Variants in FHIT observed in about 807,000 individuals in gnomAD.
FHIT encodes the protein fragile histidine triad diadenosine triphosphatase.
In FHIT, 19 loss-of-function variants were observed where a neutral mutation model predicts 17.9. The ratio of observed to expected loss-of-function variants is 1.06; its 90% CI spans 0.74 to 1.56. FHIT has a LOEUF of 1.56. Among genes scored for constraint, FHIT ranks in the 40% most tolerant of loss-of-function variants. The pLI is 0.00. For synonymous variants in FHIT, 81 were observed against 69.7 expected, an observed-to-expected ratio of 1.16 and a Z score of -0.81; for missense variants, 248 against 189.2, an observed-to-expected ratio of 1.31 and a Z score of -1.82.
At chr3:60,144,582 ATTTT>A (rs569336967) in intron 5 of FHIT, among the ~76,000 whole-genome samples, 1 of 151,982 alleles carries the variant, frequency 6.6e-6, no homozygotes, top group East Asian at 1.9e-4. Flanking sequence ...TTAACTGAAG[ATTTT>A]TTTTAATGTT....
At chr3:60,411,403 G>A (rs912280540) in intron 5 of FHIT, among the ~76,000 whole-genome samples, 2 of 152,074 alleles carry the variant, frequency 1.3e-5, no homozygotes, top group African/African-American at 4.8e-5. Context: ...CACTTAATGT[G>A]TCTAGAAGGG....
intron 8 of FHIT, among the ~76,000 whole-genome samples, chr3:59,856,385 G>A (rs1259097126): frequency 6.6e-6 from 1 of 152,064 alleles, no homozygotes; most frequent in Admixed American, 6.6e-5. Flanking sequence ...CAATGTTCAA[G>A]GAAGACATCA....
chr3:60,992,885 C>T (rs1454245146), intron 3 of FHIT, among the ~76,000 whole-genome samples: 3 of 152,164 alleles, frequency 2.0e-5, no homozygotes, highest in African/African-American at 7.2e-5. Context: ...AAAGTACTTT[C>T]TGGCATTTCA....
At chr3:60,198,114 C>A (rs1224195059) in intron 5 of FHIT, among the ~76,000 whole-genome samples, 1 of 136,268 alleles carries the variant, frequency 7.3e-6, no homozygotes, top group African/African-American at 2.7e-5. Context: ...ACTTTTTTTT[C>A]TTTTCAAATA....
intron 8 of FHIT, among the ~76,000 whole-genome samples, chr3:59,772,714 C>T (rs947170555): frequency 6.6e-6 from 1 of 152,196 alleles, no homozygotes; most frequent in African/African-American, 2.4e-5. Context: ...CTTCTATGAA[C>T]ATTAGTGGAG....
At chr3:60,031,729 G>A (rs1701009959) in intron 5 of FHIT, among the ~76,000 whole-genome samples, 1 of 152,112 alleles carries the variant, frequency 6.6e-6, no homozygotes, top group East Asian at 1.9e-4. Flanking sequence ...CAGGTAATTT[G>A]GGGCTTAGGT....
At chr3:61,203,115 G>A (rs1383463712) in intron 1 of FHIT, among the ~76,000 whole-genome samples, 6 of 150,072 alleles carry the variant, frequency 4.0e-5, no homozygotes, top group Admixed American at 2.7e-4. Flanking sequence ...GGGAGGCGGG[G>A]CTTGCAGTGA....
At chr3:59,792,922 T>C (rs917445162) in intron 8 of FHIT, among the ~76,000 whole-genome samples, 5 of 151,328 alleles carry the variant, frequency 3.3e-5, no homozygotes, top group Non-Finnish European at 5.9e-5. Flanking sequence ...GTATGGGTGA[T>C]GTGCTCCTCT....
chr3:60,588,626 A>G (rs998825970), intron 4 of FHIT, among the ~76,000 whole-genome samples: 2 of 151,600 alleles, frequency 1.3e-5, no homozygotes, highest in African/African-American at 4.8e-5. Flanking sequence ...ATTTGCACAC[A>G]CTCCTCTCGT....
chr3:60,542,885 T>C (rs2036230339), intron 4 of FHIT, among the ~76,000 whole-genome samples: 1 of 152,206 alleles, frequency 6.6e-6, no homozygotes, highest in Non-Finnish European at 1.5e-5. Flanking sequence ...TATATTTTCA[T>C]CCTTAACATT....
chr3:60,390,082 T>C (rs1466947117), intron 5 of FHIT, among the ~76,000 whole-genome samples: 1 of 152,194 alleles, frequency 6.6e-6, no homozygotes, highest in African/African-American at 2.4e-5. Context: ...CTAAGCATTG[T>C]CACTTTGAAT....
At chr3:60,096,851 A>G (rs1703970386) in intron 5 of FHIT, among the ~76,000 whole-genome samples, 1 of 152,028 alleles carries the variant, frequency 6.6e-6, no homozygotes, top group Non-Finnish European at 1.5e-5. Context: ...GGGAAGGGGC[A>G]GGAGGATGCA....
intron 2 of FHIT, among the ~76,000 whole-genome samples, chr3:61,147,933 A>G (rs1483625950): frequency 6.6e-6 from 1 of 152,012 alleles, no homozygotes; most frequent in Non-Finnish European, 1.5e-5. Context: ...AAGGCGATCC[A>G]TCATAAATGT....
At chr3:60,785,938 G>A (rs1301284404) in intron 4 of FHIT, among the ~76,000 whole-genome samples, 1 of 121,352 alleles carries the variant, frequency 8.2e-6, no homozygotes, top group East Asian at 2.3e-4. Context: ...CACACACAGA[G>A]AGAGTACTTT....
chr3:60,703,257 G>T (rs2041290308), intron 4 of FHIT, among the ~76,000 whole-genome samples: 1 of 152,112 alleles, frequency 6.6e-6, no homozygotes, highest in Non-Finnish European at 1.5e-5. Context: ...GCAAGGGAGG[G>T]CCACCCCTTA....
chr3:60,218,723 T>C (rs1008811591), intron 5 of FHIT, among the ~76,000 whole-genome samples: 31 of 152,122 alleles, frequency 2.0e-4, no homozygotes, highest in African/African-American at 6.3e-4. Flanking sequence ...GGTACTTTTC[T>C]AAGAGCTTAG....
intron 4 of FHIT, among the ~76,000 whole-genome samples, chr3:60,757,634 T>G (rs1699487900): frequency 2.0e-5 from 3 of 152,134 alleles, no homozygotes; most frequent in Non-Finnish European, 4.4e-5. Context: ...GTTGGTGCAG[T>G]GACCAGGGTG....
intron 7 of FHIT, among the ~76,000 whole-genome samples, chr3:59,927,699 G>A (rs1478744701): frequency 2.0e-5 from 3 of 152,104 alleles, no homozygotes; most frequent in African/African-American, 7.2e-5. Flanking sequence ...AACCCGGGAG[G>A]CGGAGGTTGC....
intron 4 of FHIT, among the ~76,000 whole-genome samples, chr3:60,644,926 A>G (rs1346139736): frequency 6.6e-6 from 1 of 152,170 alleles, no homozygotes; most frequent in African/African-American, 2.4e-5. Flanking sequence ...TAGTTCTGTT[A>G]TAATCTAGCT....
Sources: allele counts gnomAD v4.1 joint callset (sites outside exome capture counted in the v4.1 genomes callset), GRCh38; gene constraint gnomAD v4.1.1; transcripts MANE v1.5; gene names NCBI Gene and HGNC (gene_info 2026-07-23, HGNC 2026-07-21).